Variants in RBMS3 observed in about 807,000 individuals in gnomAD.
RBMS3 encodes the protein RNA-binding motif, single-stranded-interacting protein 3.
Under a neutral mutation model 66.8 loss-of-function variants are expected in RBMS3, and 27 were observed. The observed-to-expected ratio is 0.40, with a 90% confidence interval of 0.30 to 0.56. RBMS3 has a LOEUF of 0.56. Ranked by LOEUF, RBMS3 falls within the 20% of genes least tolerant of loss-of-function variation. The pLI, the probability that RBMS3 is intolerant of heterozygous loss-of-function variation, is 0.40. For synonymous variants in RBMS3, 188 were observed against 183.0 expected, an observed-to-expected ratio of 1.03 and a Z score of -0.22; for missense variants, 513 against 549.5, an observed-to-expected ratio of 0.93 and a Z score of 0.66.
At chr3:29,931,452 C>G (rs1019927784) in intron 10 of RBMS3, among the ~76,000 whole-genome samples, 1 of 152,170 alleles carries the variant, frequency 6.6e-6, no homozygotes, top group Non-Finnish European at 1.5e-5. Flanking sequence ...AAGGCTACCA[C>G]CTTTGCCACA....
At chr3:29,786,959 A>G (rs187344329) in intron 6 of RBMS3, among the ~76,000 whole-genome samples, 46 of 152,310 alleles carry the variant, frequency 3.0e-4, no homozygotes, top group African/African-American at 1.0e-3. Context: ...AATATCCAGA[A>G]TCTAAAATAA....
chr3:29,677,139 G>A (rs1280581024), intron 4 of RBMS3, among the ~76,000 whole-genome samples: 1 of 151,984 alleles, frequency 6.6e-6, no homozygotes, highest in Non-Finnish European at 1.5e-5. Flanking sequence ...CAGTACTAAG[G>A]GGGATGGTAC....
rs145595302 is a variant in RBMS3 at position 29,533,231 on chromosome 3, A to G, written c.307+44732A>G. 7.9e-3 allele frequency among the ~76,000 whole-genome samples: 1,196 copies of G among 152,216 alleles called. 18 individuals are homozygous for G. Among genetic ancestry groups the G allele is most frequent in the African/African-American group, 0.028 (1,144 of 41,536 alleles). On this transcript the variant is annotated intron_variant, in intron 3 of 14. Coordinates refer to ENST00000383767, the MANE Select transcript of RBMS3 (RefSeq NM_001003793.3). ...AGTGGCTCATGCCTGTAATCCCAGC[A>G]CTTTGGGAGGCTGAGGCAGGAGGAT...
chr3:29,981,028 G>A (rs1357688586), intron 12 of RBMS3, among the ~76,000 whole-genome samples: 1 of 152,136 alleles, frequency 6.6e-6, no homozygotes, highest in African/African-American at 2.4e-5. Context: ...GGGCAATATG[G>A]CTATTTTCAT....
At chr3:29,366,253 A>G (rs2037896873) in intron 1 of RBMS3, among the ~76,000 whole-genome samples, 1 of 152,230 alleles carries the variant, frequency 6.6e-6, no homozygotes, top group Admixed American at 6.5e-5. Flanking sequence ...TACTTTGTTA[A>G]GTGATAGTTG....
intron 4 of RBMS3, among the ~76,000 whole-genome samples, chr3:29,689,998 A>G (rs1315688941): frequency 6.7e-6 from 1 of 148,702 alleles, no homozygotes; most frequent in Admixed American, 6.9e-5. Flanking sequence ...TTCATAATCT[A>G]GCTACTGGCT....
intron 4 of RBMS3, among the ~76,000 whole-genome samples, chr3:29,669,825 T>C (rs941131775): frequency 2.0e-5 from 3 of 152,176 alleles, no homozygotes; most frequent in Non-Finnish European, 4.4e-5. Context: ...GGTTTCTTAC[T>C]GGGGCGACTG....
At chr3:29,857,577 A>AG (rs2059113088) in intron 6 of RBMS3, among the ~76,000 whole-genome samples, 1 of 146,980 alleles carries the variant, frequency 6.8e-6, no homozygotes, top group Non-Finnish European at 1.5e-5. Flanking sequence ...AAAAAAAAAA[A>AG]AGGTTGTGCC....
chr3:29,684,548 T>C (rs2051631582), intron 4 of RBMS3, among the ~76,000 whole-genome samples: 1 of 152,154 alleles, frequency 6.6e-6, no homozygotes, highest in East Asian at 1.9e-4. Flanking sequence ...TTTAGGGAGT[T>C]ATGGAATGAA....
At chr3:29,676,661 T>C (rs1413918451) in intron 4 of RBMS3, among the ~76,000 whole-genome samples, 1 of 152,200 alleles carries the variant, frequency 6.6e-6, no homozygotes, top group African/African-American at 2.4e-5. Context: ...AATTCTCATA[T>C]TGATATCACA....
intron 10 of RBMS3, among the ~76,000 whole-genome samples, chr3:29,930,345 C>G (rs1294293501): frequency 6.6e-6 from 1 of 151,622 alleles, no homozygotes; most frequent in African/African-American, 2.4e-5. Context: ...ATCTCCTGAC[C>G]TCGTGATCCG....
intron 1 of RBMS3, among the ~76,000 whole-genome samples, chr3:29,409,335 C>CT (rs5847568): frequency 0.81 from 123,467 of 151,902 alleles, 50,635 homozygotes; most frequent in East Asian, 0.97. Context: ...TACCTGGACT[C>CT]TTTTTTCATA....
intron 1 of RBMS3, among the ~76,000 whole-genome samples, chr3:29,329,306 A>G (rs1374416126): frequency 6.6e-6 from 1 of 152,154 alleles, no homozygotes; most frequent in African/African-American, 2.4e-5. Context: ...CTTAAAATGT[A>G]TATACAATTC....
At chr3:29,890,525 A>G (rs1047927388) in intron 8 of RBMS3, among the ~76,000 whole-genome samples, 1 of 151,600 alleles carries the variant, frequency 6.6e-6, no homozygotes, top group African/African-American at 2.4e-5. Flanking sequence ...TCCAGTTATT[A>G]TTGTTCAACG....
intron 3 of RBMS3, among the ~76,000 whole-genome samples, chr3:29,586,197 A>C (rs2047515360): frequency 1.3e-5 from 2 of 152,102 alleles, no homozygotes. Context: ...CTGTCCTTAT[A>C]CTCACTCTTG....
chr3:29,910,875 T>A (rs1000758835), intron 10 of RBMS3, among the ~76,000 whole-genome samples: 1 of 152,046 alleles, frequency 6.6e-6, no homozygotes, highest in Non-Finnish European at 1.5e-5. Context: ...TTCAAAATGA[T>A]AACACAAATA....
chr3:29,906,645 T>A (rs889058817), intron 10 of RBMS3, among the ~76,000 whole-genome samples: 2 of 152,122 alleles, frequency 1.3e-5, no homozygotes, highest in African/African-American at 4.8e-5. Context: ...CATTTAATTT[T>A]AAAAATCTAT....
At chr3:29,418,284 A>G (rs1485156321) in intron 1 of RBMS3, among the ~76,000 whole-genome samples, 1 of 152,064 alleles carries the variant, frequency 6.6e-6, no homozygotes, top group African/African-American at 2.4e-5. Flanking sequence ...CTTTTTTGTT[A>G]TTATCTGTGT....
chr3:29,808,405 G>A (rs2057624839), intron 6 of RBMS3, among the ~76,000 whole-genome samples: 1 of 151,956 alleles, frequency 6.6e-6, no homozygotes, highest in African/African-American at 2.4e-5. Context: ...GGAATGTGCT[G>A]TAGGAAATCT....
Sources: allele counts gnomAD v4.1 joint callset (sites outside exome capture counted in the v4.1 genomes callset), GRCh38; gene constraint gnomAD v4.1.1; transcripts MANE v1.5; gene names NCBI Gene and HGNC (gene_info 2026-07-23, HGNC 2026-07-21).